CTTNBP2: variants seen among roughly 807,000 people sequenced by gnomAD.
CTTNBP2 encodes the protein cortactin-binding protein 2.
A neutral mutation model predicts 156.9 loss-of-function variants in CTTNBP2; 108 were observed. The observed-to-expected ratio is 0.69, with a 90% CI of 0.59 to 0.81. The LOEUF is 0.81. Among genes scored for constraint, CTTNBP2 ranks in the 30% least tolerant of loss-of-function variants. CTTNBP2 has a pLI of 0.00. For missense variants in CTTNBP2, 1,924 were observed against 2,035.4 expected (o/e 0.95, Z 1.05); for synonymous variants, 767 against 751.8 (o/e 1.02, Z -0.33).
At chr7:117,714,867 G>C (rs113819158) in intron 22 of CTTNBP2, among the ~76,000 whole-genome samples, 4 of 152,190 alleles carry the variant, frequency 2.6e-5, no homozygotes, top group African/African-American at 7.2e-5. Flanking sequence ...TCAAGCCTAG[G>C]GGGCAGCGGA....
chr7:117,848,480 C>T (rs1268034761), intron 2 of CTTNBP2, among the ~76,000 whole-genome samples: 2 of 152,204 alleles, frequency 1.3e-5, no homozygotes, highest in African/African-American at 2.4e-5. Flanking sequence ...AACATGACCA[C>T]ACTACCCAAT....
At position 117,792,431 on chromosome 7, in the gene CTTNBP2, G is replaced by T. The variant is rs747305649; in HGVS notation, c.765C>A (p.Leu255=). The stretch of plus-strand genomic sequence containing the variant: ...TCCTCATCTTGTCTATCTCCTCTTT[G>T]AGGTCAGTGGTGTGTGCTTCTTCCC... ...LNREEAHTTD[L]KEEIDKMRKM... The change falls in exon 4 of 23, where the codon CTC becomes CTA. Residue 255 remains leucine, a synonymous_variant. Coordinates refer to ENST00000160373, the MANE Select transcript of CTTNBP2 (RefSeq NM_033427.3). The surrounding 1 kb of genome is among the most constrained non-coding windows in gnomAD (Gnocchi z 4.2). The T allele has an allele frequency of 2.4e-5, 38 of 1,613,982 alleles. No individual in the cohort carries two copies. Among genetic ancestry groups the T allele is most frequent in the Admixed American group, 6.7e-5 (4 of 59,998 alleles).
chr7:117,811,723 A>T (rs1800289818), intron 2 of CTTNBP2, among the ~76,000 whole-genome samples: 1 of 152,040 alleles, frequency 6.6e-6, no homozygotes, highest in Admixed American at 6.5e-5. Context: ...AATCACGCAT[A>T]CAAAAAATCC....
At chr7:117,727,082 C>T (rs1309067846) in intron 17 of CTTNBP2, among the ~76,000 whole-genome samples, 1 of 152,128 alleles carries the variant, frequency 6.6e-6, no homozygotes, top group African/African-American at 2.4e-5. Flanking sequence ...GTAATTATAT[C>T]AATAAGTGTA....
At chr7:117,863,284 G>T (rs1046068454) in intron 1 of CTTNBP2, among the ~76,000 whole-genome samples, 1 of 152,212 alleles carries the variant, frequency 6.6e-6, no homozygotes, top group Non-Finnish European at 1.5e-5. Flanking sequence ...TAAGGATAAA[G>T]AGAAAAGGAA....
rs367902219 is a variant in CTTNBP2 at position 117,792,746 on chromosome 7, C to T, written c.450G>A (p.Glu150=). 6 of 1,593,832 alleles carry T rather than the reference C, an allele frequency of 3.8e-6. No individual in the cohort carries two copies. In the African/African-American group the frequency reaches 5.4e-5, roughly 14 times the overall value. The change falls in exon 4 of 23, where the codon GAG becomes GAA. Residue 150 remains glutamate, a synonymous_variant. Coordinates refer to ENST00000160373, the MANE Select transcript of CTTNBP2 (RefSeq NM_033427.3). The surrounding 1 kb of genome is among the most constrained non-coding windows in gnomAD (Gnocchi z 4.2). ...GGGCAGCCAGCTTCTTGTGCTCTTG[C>T]TCAAGGGCTTGTAGCTGAAGCTTCT... ...EMEKLQLQAL[E]QEHKKLAARL... is the part of the protein sequence containing the mutation.
At chr7:117,762,863 A>G (rs150006667) in intron 9 of CTTNBP2, among the ~76,000 whole-genome samples, 1 of 152,250 alleles carries the variant, frequency 6.6e-6, no homozygotes, top group East Asian at 1.9e-4. Flanking sequence ...CTTTTAACCC[A>G]GTCATCCTGC....
chr7:117,802,571 A>G (rs1012864480), intron 3 of CTTNBP2, among the ~76,000 whole-genome samples: 1 of 152,158 alleles, frequency 6.6e-6, no homozygotes, highest in African/African-American at 2.4e-5. Context: ...AAGCTTCTGC[A>G]TGACCAAAGA....
intron 2 of CTTNBP2, among the ~76,000 whole-genome samples, chr7:117,851,108 T>C (rs1802904476): frequency 6.6e-6 from 1 of 152,040 alleles, no homozygotes; most frequent in African/African-American, 2.4e-5. Flanking sequence ...AGTTAGAAAA[T>C]AATGCACTCT....
In CTTNBP2 at chr7:117,873,435, C is replaced by T. The variant is rs1032770893; in HGVS notation, c.-20G>A. 4 of 1,460,548 alleles carry T rather than the reference C, an allele frequency of 2.7e-6. No individual in the cohort carries two copies. The highest frequency in any genetic ancestry group is 2.3e-5 in the Admixed American group (1 of 42,620). The allele number at this position is 1,460,548 out of a possible 1,614,324, so 90.5% of individuals were successfully genotyped here. ...CGCCATCTTCCTGCTCTAGCGGATCCGAATGCGAGCTCGGAGCCGCGGCTC... is the reference window on the plus strand; with the variant it reads ...CGCCATCTTCCTGCTCTAGCGGATCTGAATGCGAGCTCGGAGCCGCGGCTC... On this transcript the variant is annotated 5_prime_UTR_variant, in exon 1 of 23. Transcript: ENST00000160373.
chr7:117,770,902 C>G (rs1797764063), intron 8 of CTTNBP2, among the ~76,000 whole-genome samples: 1 of 152,188 alleles, frequency 6.6e-6, no homozygotes. Flanking sequence ...GATACGGAGA[C>G]AGGGATCTAG....
intron 22 of CTTNBP2, among the ~76,000 whole-genome samples, chr7:117,716,487 G>A (rs35996035): frequency 7.9e-5 from 12 of 152,244 alleles, no homozygotes; most frequent in African/African-American, 2.4e-4. Flanking sequence ...CTGGCGTCCA[G>A]TCAAGCACAG....
Position 117,784,520 on chromosome 7 carries a change from C to T in CTTNBP2, c.2069-66G>A, listed in dbSNP as rs1798605626. 5 of 1,163,728 alleles carry T rather than the reference C, an allele frequency of 4.3e-6. No individual in the cohort carries two copies. In the South Asian group the frequency reaches 6.5e-5, roughly 15 times the overall value. The allele number at this position is 1,163,728 out of a possible 1,614,324, so 72.1% of individuals were successfully genotyped here. ...GACAAGAGACAGATATTACCCATTC[C>T]TTTCTGAATTACACACACACAAACA... On this transcript the variant is annotated intron_variant, in intron 4 of 22. Coordinates refer to ENST00000160373, the MANE Select transcript of CTTNBP2 (RefSeq NM_033427.3).
At chr7:117,727,975 C>A in intron 17 of CTTNBP2, 114 bp downstream of exon 17, 1 of 887,236 alleles carries the variant, frequency 1.1e-6, no homozygotes, top group Non-Finnish European at 1.8e-6. Flanking sequence ...ACTGGCACTC[C>A]GTGTCAGTGA....
At chr7:117,827,715 A>G (rs914660396) in intron 2 of CTTNBP2, among the ~76,000 whole-genome samples, 15 of 152,348 alleles carry the variant, frequency 9.8e-5, no homozygotes, top group African/African-American at 3.4e-4. Context: ...AAGAGTTAAC[A>G]GAAGCATTCC....
rs145882289 is a variant in CTTNBP2, at chr7:117,724,716, T to C, written c.4278A>G (p.Thr1426=). ...GGAAACTTCCTCCTTTGAAATCAGCTGTATGCTGGTCTAGCTCTGAAACAA... is the reference window on the plus strand; with the variant it reads ...GGAAACTTCCTCCTTTGAAATCAGCCGTATGCTGGTCTAGCTCTGAAACAA... ...PLPRAELDQH[T]ADFKGGSFPL... Residue 1426 remains threonine (T), a synonymous_variant, in exon 19 of 23, where the codon ACA becomes ACG. Coordinates refer to ENST00000160373, the MANE Select transcript of CTTNBP2 (RefSeq NM_033427.3). 523 of 1,614,058 alleles carry C rather than the reference T, an allele frequency of 3.2e-4. No homozygotes were observed. Among genetic ancestry groups the C allele is most frequent in the Non-Finnish European group, 3.9e-4 (465 of 1,180,028 alleles).
chr7:117,766,173 A>G (rs1016440865), intron 9 of CTTNBP2, among the ~76,000 whole-genome samples: 15 of 152,202 alleles, frequency 9.9e-5, no homozygotes, highest in African/African-American at 3.4e-4. Flanking sequence ...GAACTATTTT[A>G]GAGAAATTCT....
At chr7:117,854,986 T>TCTCTG (rs1803196715) in intron 2 of CTTNBP2, among the ~76,000 whole-genome samples, 1 of 152,104 alleles carries the variant, frequency 6.6e-6, no homozygotes, top group African/African-American at 2.4e-5. Context: ...GGTTTCACCA[T>TCTCTG]GTTGGCCAGG....
At chr7:117,800,908 A>G (rs1299092218) in intron 3 of CTTNBP2, among the ~76,000 whole-genome samples, 2 of 152,150 alleles carry the variant, frequency 1.3e-5, no homozygotes, top group Non-Finnish European at 2.9e-5. Context: ...GAAATACCTA[A>G]TTCCAAGCAT....
Sources: allele counts gnomAD v4.1 joint callset (sites outside exome capture counted in the v4.1 genomes callset), GRCh38; gene constraint gnomAD v4.1.1; non-coding constraint Gnocchi (gnomAD v3.1); transcripts MANE v1.5; gene names NCBI Gene and HGNC (gene_info 2026-07-23, HGNC 2026-07-21).